The following LBR variants were observed in gnomAD, a reference collection of about 807,000 sequenced individuals.
LBR encodes the protein lamin B receptor.
Under a neutral mutation model 74.3 loss-of-function variants are expected in LBR, and 28 were observed. The observed-to-expected ratio is 0.38, with a 90% CI of 0.28 to 0.52. The LOEUF is 0.52. Ranked by LOEUF, LBR falls within the 20% of genes least tolerant of loss-of-function variation. The probability of loss-of-function intolerance (pLI) is 0.89; values close to 1 mark genes in which losing one functional copy is unlikely to be tolerated. For missense variants in LBR, 717 were observed against 760.3 expected (o/e 0.94, Z 0.67); for synonymous variants, 228 against 269.3 (o/e 0.85, Z 1.50).
chr1:225,410,406 T>G lies in LBR; in HGVS notation c.1199A>C (p.Asn400Thr). Reference sequence around the variant, plus strand: ...CATTTCAGCCAAAAGCATCACCAAGTTAATAACCACCTGAAACAAAAGGGG... The same window carrying G: ...CATTTCAGCCAAAAGCATCACCAAGGTAATAACCACCTGAAACAAAAGGGG... ...RPGLIGWVVI[N>T]LVMLLAEMKI... The change falls in exon 10 of 14, where the codon AAC becomes ACC. Residue 400 changes from asparagine (N) to threonine (T), a missense_variant. Asn to Thr is a moderately conservative substitution (Grantham distance 65). Coordinates refer to ENST00000272163, the MANE Select transcript of LBR (RefSeq NM_002296.4). The G allele has an allele frequency of 1.2e-6, 2 of 1,614,098 alleles. No homozygotes were observed. The highest frequency in any genetic ancestry group is 2.2e-5 in the South Asian group (2 of 91,076).
chr1:225,408,729 C>T (rs2150946868), intron 10 of LBR, among the ~76,000 whole-genome samples: 1 of 152,330 alleles, frequency 6.6e-6, no homozygotes, highest in East Asian at 1.9e-4. Flanking sequence ...AGACAGAAAA[C>T]AATTTCCTAA....
intron 2 of LBR, among the ~76,000 whole-genome samples, chr1:225,422,858 TA>T (rs964283091): frequency 1.3e-5 from 2 of 152,356 alleles, no homozygotes; most frequent in Non-Finnish European, 1.5e-5. Context: ...TTTACATTCT[TA>T]AATGATTACA....
intron 3 of LBR, among the ~76,000 whole-genome samples, chr1:225,421,086 TACA>T (rs1053947661): frequency 2.0e-5 from 3 of 152,202 alleles, no homozygotes; most frequent in Admixed American, 2.0e-4. Flanking sequence ...TACTATAGAA[TACA>T]ACAACAAAAA....
intron 9 of LBR, 90 bp downstream of exon 9, chr1:225,411,247 C>A: frequency 1.1e-6 from 1 of 885,848 alleles, no homozygotes; most frequent in South Asian, 1.3e-5. Flanking sequence ...ATATACCACC[C>A]ACTGCTTATT....
chr1:225,421,479 C>A (rs896626918), intron 3 of LBR, among the ~76,000 whole-genome samples: 3 of 152,240 alleles, frequency 2.0e-5, no homozygotes, highest in Non-Finnish European at 4.4e-5. Context: ...GGTGACAGAG[C>A]AAGACTCTGT....
At chr1:225,428,286 G>A (rs887337454), upstream of LBR, among the ~76,000 whole-genome samples, 57 of 152,156 alleles carry the variant, frequency 3.7e-4, no homozygotes, top group Non-Finnish European at 7.4e-4. Context: ...AACCGAGTCT[G>A]GCGGGGCGGC....
Position 225,403,185 on chromosome 1 carries a change from G to T in LBR, c.*118C>A. The T allele has an allele frequency of 1.2e-6, 1 of 862,688 alleles. No homozygotes were observed. The allele number at this position is 862,688 out of a possible 1,614,324, so 53.4% of individuals were successfully genotyped here. ...CGGCTCCATAGTCCTGACTCAAAAAGAAAAAAAAAAGTACAGACCCTGTCA... is the reference window on the plus strand; with the variant it reads ...CGGCTCCATAGTCCTGACTCAAAAATAAAAAAAAAAGTACAGACCCTGTCA... On this transcript the variant is annotated 3_prime_UTR_variant, in exon 14 of 14. Coordinates refer to ENST00000272163, the MANE Select transcript of LBR (RefSeq NM_002296.4).
At chr1:225,426,331 G>A (rs779352783) in intron 1 of LBR, among the ~76,000 whole-genome samples, 4 of 152,190 alleles carry the variant, frequency 2.6e-5, no homozygotes, top group African/African-American at 7.2e-5. Flanking sequence ...ATTTGTTCGT[G>A]TCACTCACTA....
chr1:225,419,655 A>G, intron 4 of LBR, 60 bp downstream of exon 4: 2 of 1,271,664 alleles, frequency 1.6e-6, no homozygotes, highest in Non-Finnish European at 2.3e-6. Context: ...AGGGAGAGTC[A>G]CTTTTAACCA....
At chr1:225,419,949 A>T (rs2096124558) in intron 3 of LBR, 151 bp from the exon 4 acceptor site, 1 of 659,448 alleles carries the variant, frequency 1.5e-6, no homozygotes, top group East Asian at 2.6e-5. Context: ...TTTGTTAAAA[A>T]TGAAAAGGAA....
At chr1:225,426,975 T>A (rs1219881299) in intron 1 of LBR, among the ~76,000 whole-genome samples, 1 of 152,196 alleles carries the variant, frequency 6.6e-6, no homozygotes, top group Non-Finnish European at 1.5e-5. Context: ...TAGCTCCATC[T>A]TCTCCCACAC....
intron 6 of LBR, among the ~76,000 whole-genome samples, chr1:225,416,728 T>C (rs999924337): frequency 3.9e-5 from 6 of 152,126 alleles, no homozygotes; most frequent in South Asian, 2.1e-4. Context: ...TCGGAAAAAA[T>C]TGCATCTGAG....
At chr1:225,422,994 C>A (rs935515002) in intron 2 of LBR, among the ~76,000 whole-genome samples, 1 of 152,198 alleles carries the variant, frequency 6.6e-6, no homozygotes, top group Admixed American at 6.5e-5. Context: ...TGGAGCCGCT[C>A]CCATAAAGTC....
chr1:225,418,019 T>A lies in LBR; in HGVS notation c.802A>T (p.Ile268Phe). 6.2e-7 allele frequency: 1 copy of A among 1,614,146 alleles called. No individual in the cohort carries two copies. Among genetic ancestry groups the A allele is most frequent in the Non-Finnish European group, 8.5e-7 (1 of 1,180,028 alleles). Residue 268 changes from isoleucine to phenylalanine, a missense_variant, in exon 6 of 14, where the codon ATT (isoleucine) becomes TTT (phenylalanine). Transcript: ENST00000272163. Reference protein sequence around the residue: ...VFGVYLLWFLIQVLFYLLPIG... With the variant: ...VFGVYLLWFLFQVLFYLLPIG... Reference sequence around the variant, plus strand: ...GGCAGTAGGTAGAACAGGACTTGAATCAAAAACCACAGGAGGTAGACCCCA... The same window carrying A: ...GGCAGTAGGTAGAACAGGACTTGAAACAAAAACCACAGGAGGTAGACCCCA...
At chr1:225,417,842 G>A in intron 6 of LBR, 142 bp downstream of exon 6, 1 of 735,268 alleles carries the variant, frequency 1.4e-6, no homozygotes, top group Non-Finnish European at 2.4e-6. Context: ...CTAAGGCTGG[G>A]CAGCATGGCA....
At chr1:225,422,328 C>G in intron 2 of LBR, 51 bp from the exon 3 acceptor site, 1 of 1,407,138 alleles carries the variant, frequency 7.1e-7, no homozygotes, top group South Asian at 1.2e-5. Flanking sequence ...ATAACACATA[C>G]AGACAGACCC....
Position 225,404,743 on chromosome 1 carries a change from A to C in LBR, c.1484-37T>G, listed in dbSNP as rs745459262. ...AAATATTTTCCTATGTTAATAACTT[A>C]GTTATACTCTAATGCTTAATAGCAT... On this transcript the variant is annotated intron_variant, in intron 11 of 13. Coordinates refer to ENST00000272163, the MANE Select transcript of LBR (RefSeq NM_002296.4). 22 of 1,350,942 alleles carry C rather than the reference A, an allele frequency of 1.6e-5. No individual in the cohort carries two copies. In the Middle Eastern group the frequency reaches 1.3e-3, roughly 78 times the overall value. The allele number at this position is 1,350,942 out of a possible 1,614,324, so 83.7% of individuals were successfully genotyped here.
At chr1:225,425,122 A>C (rs2096136551) in intron 1 of LBR, among the ~76,000 whole-genome samples, 1 of 152,182 alleles carries the variant, frequency 6.6e-6, no homozygotes, top group Non-Finnish European at 1.5e-5. Context: ...GGCTCCTGTT[A>C]AGAGCTGATG....
chr1:225,423,510 C>G (rs1328969565), intron 2 of LBR, among the ~76,000 whole-genome samples: 1 of 152,096 alleles, frequency 6.6e-6, no homozygotes, highest in Non-Finnish European at 1.5e-5. Context: ...ATACTGCCCT[C>G]TCTGCAGAAA....
Sources: allele counts gnomAD v4.1 joint callset (sites outside exome capture counted in the v4.1 genomes callset), GRCh38; gene constraint gnomAD v4.1.1; transcripts MANE v1.5; gene names NCBI Gene and HGNC (gene_info 2026-07-23, HGNC 2026-07-21).